The following ALMS1 variants were observed in gnomAD, a reference collection of about 807,000 sequenced individuals.
The protein encoded by ALMS1 is centrosome-associated protein ALMS1.
In ALMS1, 271 loss-of-function variants were observed where a neutral mutation model predicts 352.2. That is an observed-to-expected ratio of 0.77 (90% confidence interval 0.70 to 0.85). ALMS1 has a LOEUF of 0.85. ALMS1 is among the 40% of genes least tolerant of loss of function. ALMS1 has a pLI of 0.00. For missense variants in ALMS1, 5,445 were observed against 4,870.7 expected (o/e 1.12, Z -3.51); for synonymous variants, 1,865 against 1,761.2 (o/e 1.06, Z -1.48).
chr2:73,609,571 GTGACCAATC>G lies in ALMS1; in HGVS notation c.12467_12475del (p.Val4156_Gln4159delinsGlu). Reference sequence around the variant, plus strand: ...CTGCCTTTCTTTTCTTCTACAGAGAGTGACCAATCAACTTCTGGGGAGAAAAGTTCCCTG... The same window carrying G: ...CTGCCTTTCTTTTCTTCTACAGAGAGAACTTCTGGGGAGAAAAGTTCCCTG... On this transcript the variant is annotated inframe_deletion, in exon 23 of 23. Transcript: ENST00000613296. 6.2e-7 allele frequency: 1 copy of G among 1,614,154 alleles called. No individual in the cohort carries two copies. Among genetic ancestry groups the G allele is most frequent in the Non-Finnish European group, 8.5e-7 (1 of 1,179,998 alleles).
intron 11 of ALMS1, among the ~76,000 whole-genome samples, chr2:73,524,779 T>G (rs1226427765): frequency 6.6e-6 from 1 of 152,124 alleles, no homozygotes; most frequent in East Asian, 1.9e-4. Context: ...AAATGTACAG[T>G]GAATTATTGA....
intron 10 of ALMS1, among the ~76,000 whole-genome samples, chr2:73,513,383 AG>A (rs1480834750): frequency 1.3e-5 from 2 of 152,088 alleles, no homozygotes; most frequent in African/African-American, 4.8e-5. Flanking sequence ...CATGCTGCAT[AG>A]GCTCATGACA....
chr2:73,586,040 A>G (rs776345901), intron 16 of ALMS1, among the ~76,000 whole-genome samples: 11 of 152,166 alleles, frequency 7.2e-5, no homozygotes, highest in Admixed American at 6.5e-4. Context: ...GATTACAGAC[A>G]TGAACCATCG....
chr2:73,500,375 A>G (rs969529858), intron 10 of ALMS1, among the ~76,000 whole-genome samples: 10 of 151,924 alleles, frequency 6.6e-5, no homozygotes, highest in African/African-American at 1.2e-4. Context: ...TCCCTTTTCT[A>G]TGTACTTTCT....
intron 16 of ALMS1, among the ~76,000 whole-genome samples, chr2:73,579,013 A>G (rs1232365022): frequency 6.7e-6 from 1 of 149,074 alleles, no homozygotes; most frequent in Non-Finnish European, 1.5e-5. Flanking sequence ...GTCTACTTGT[A>G]ACAAATTTAC....
chr2:73,602,355 G>C lies in ALMS1; in HGVS notation c.12285G>C (p.Pro4095=), dbSNP rs776912137. 2 of 1,614,098 alleles carry C rather than the reference G, an allele frequency of 1.2e-6. No homozygotes were observed. The highest frequency in any genetic ancestry group is 1.7e-6 in the Non-Finnish European group (2 of 1,179,976). ...AGGGCCACCAGAATCGCATGTGCCC[G>C]CTGCCCAAGAGAGGTACGCCCTGCC... ...ERQGHQNRMC[P]LPKRVFLAIQ... Residue 4095 remains proline (P), a synonymous_variant, in exon 20 of 23, where the codon CCG becomes CCC. Transcript: ENST00000613296.
intron 1 of ALMS1, among the ~76,000 whole-genome samples, chr2:73,393,051 A>G (rs1195636171): frequency 6.6e-6 from 1 of 152,118 alleles, no homozygotes; most frequent in Non-Finnish European, 1.5e-5. Flanking sequence ...TCATGCATCT[A>G]TTCATGTGCT....
At chr2:73,603,727 G>A (rs1047123438) in intron 21 of ALMS1, 4 of 245,752 alleles carry the variant, frequency 1.6e-5, no homozygotes, top group Non-Finnish European at 2.4e-5. Context: ...GGGTGTGGAG[G>A]CACACGCCTG....
chr2:73,541,425 G>C (rs925195121), intron 12 of ALMS1, among the ~76,000 whole-genome samples: 1 of 152,212 alleles, frequency 6.6e-6, no homozygotes, highest in Non-Finnish European at 1.5e-5. Context: ...AAGCAGGAAA[G>C]ATCGAAAATT....
rs1188079304 is a variant in ALMS1 at position 73,451,875 on chromosome 2, T to C, written c.5348T>C (p.Leu1783Pro). Reference protein sequence around the residue: ...LPDSHLTEEALKVSNVPGPAD... With the variant: ...LPDSHLTEEAPKVSNVPGPAD... ...GATAGTCATCTAACTGAAGAGGCTC[T>C]GAAAGTTTCAAATGTTCCTGGACCA... Residue 1783 changes from leucine (L) to proline (P), a missense_variant, in exon 8 of 23, where the codon CTG becomes CCG. Coordinates refer to ENST00000613296, the MANE Select transcript of ALMS1 (RefSeq NM_001378454.1). The C allele has an allele frequency of 8.1e-6, 13 of 1,613,726 alleles. No individual in the cohort carries two copies. Among genetic ancestry groups the C allele is most frequent in the Non-Finnish European group, 1.1e-5 (13 of 1,179,772 alleles).
intron 7 of ALMS1, among the ~76,000 whole-genome samples, chr2:73,440,265 G>C (rs1025132280): frequency 6.6e-6 from 1 of 152,116 alleles, no homozygotes; most frequent in African/African-American, 2.4e-5. Context: ...TTACAGGCGT[G>C]AGCCAATGCA....
intron 21 of ALMS1, 139 bp from the exon 22 acceptor site, chr2:73,608,336 A>T (rs1037413297): frequency 3.2e-5 from 23 of 712,448 alleles, no homozygotes; most frequent in Middle Eastern, 7.4e-4. Flanking sequence ...GGAGTATCTA[A>T]CGGGGCCCAG....
At chr2:73,556,053 G>A (rs1488363288) in intron 13 of ALMS1, among the ~76,000 whole-genome samples, 1 of 152,156 alleles carries the variant, frequency 6.6e-6, no homozygotes. Flanking sequence ...TGAGAAGTGA[G>A]AATGGCATCA....
At position 73,603,295 on chromosome 2, in the gene ALMS1, G is replaced by C; in HGVS notation, c.12353G>C (p.Arg4118Thr). ...KPISKKEMIQ[R>T]SKRIYEQLPE... ...ATCAGCAAGAAGGAAATGATTCAGA[G>C]GTCCAAACGGTAAGACCAAGAAAAC... is the stretch of plus-strand genomic sequence containing the variant. Residue 4118 changes from arginine to threonine, a missense_variant, in exon 21 of 23, where the codon AGG becomes ACG. Physicochemically the swap from Arg to Thr is moderately conservative, Grantham distance 71. Transcript: ENST00000613296. The C allele has an allele frequency of 6.2e-7, 1 of 1,614,086 alleles. No individual in the cohort carries two copies. The highest frequency in any genetic ancestry group is 1.3e-5 in the African/African-American group (1 of 75,018).
chr2:73,571,778 C>T (rs1674932764), intron 15 of ALMS1, among the ~76,000 whole-genome samples: 1 of 151,828 alleles, frequency 6.6e-6, no homozygotes. Flanking sequence ...TTTCAAAGGG[C>T]TCTAAAACAT....
At chr2:73,606,957 C>T (rs4852937) in intron 21 of ALMS1, among the ~76,000 whole-genome samples, 131,076 of 152,254 alleles carry the variant, frequency 0.86, 56,593 homozygotes, top group Admixed American at 0.91. Context: ...TCAGGAGACA[C>T]CTTCACCTTC....
Position 73,452,683 on chromosome 2 carries a change from A to G in ALMS1, c.6156A>G (p.Val2052=), listed in dbSNP as rs1183098792. The G allele has an allele frequency of 6.2e-7, 1 of 1,613,788 alleles. No individual in the cohort carries two copies. Among genetic ancestry groups the G allele is most frequent in the African/African-American group, 1.3e-5 (1 of 74,934 alleles). The change falls in exon 8 of 23, where the codon GTA becomes GTG. Residue 2052 remains valine, a synonymous_variant. Coordinates refer to ENST00000613296, the MANE Select transcript of ALMS1 (RefSeq NM_001378454.1). ...TAFHSSYSQT[V]KPNILFQQQL... ...TTCATAGTTCCTATTCTCAAACAGT[A>G]AAGCCCAATATTTTATTTCAACAGC...
chr2:73,440,097 C>T (rs1671685927), intron 7 of ALMS1, among the ~76,000 whole-genome samples: 1 of 152,156 alleles, frequency 6.6e-6, no homozygotes, highest in South Asian at 2.1e-4. Context: ...TCTCCTGCCT[C>T]AGCCTCCTAA....
chr2:73,483,936 C>T (rs1167777412), intron 9 of ALMS1, among the ~76,000 whole-genome samples: 2 of 149,026 alleles, frequency 1.3e-5, no homozygotes, highest in Non-Finnish European at 3.0e-5. Context: ...GTAGATCTTC[C>T]TCCATCCTTT....
Sources: allele counts gnomAD v4.1 joint callset (sites outside exome capture counted in the v4.1 genomes callset), GRCh38; gene constraint gnomAD v4.1.1; transcripts MANE v1.5; gene names NCBI Gene and HGNC (gene_info 2026-07-23, HGNC 2026-07-21).